The following COL21A1 variants were observed in gnomAD, a reference collection of about 807,000 sequenced individuals.
COL21A1 encodes collagen type XXI alpha 1 chain.
Under a neutral mutation model 137.9 loss-of-function variants are expected in COL21A1, and 149 were observed. The ratio of observed to expected loss-of-function variants is 1.08; its 90% confidence interval spans 0.95 to 1.24. COL21A1 has a LOEUF of 1.24. Among genes scored for constraint, COL21A1 ranks in the 50% most tolerant of loss-of-function variants. The pLI is 0.00. For missense variants in COL21A1, 1,167 were observed against 1,158.4 expected (o/e 1.01, Z -0.11); for synonymous variants, 456 against 391.5 (o/e 1.16, Z -1.95).
chr6:56,258,474 C>G (rs1763169243), intron 1 of COL21A1, among the ~76,000 whole-genome samples: 2 of 152,152 alleles, frequency 1.3e-5, no homozygotes, highest in African/African-American at 4.8e-5. Flanking sequence ...AGGTGCTCAC[C>G]AGACAAAACC....
chr6:56,309,415 G>A (rs6924834), intron 1 of COL21A1, among the ~76,000 whole-genome samples: 127,980 of 152,204 alleles, frequency 0.84, 55,882 homozygotes, highest in South Asian at 0.97. Flanking sequence ...GGCACTTCTC[G>A]TGTAGAATGT....
intron 1 of COL21A1, among the ~76,000 whole-genome samples, chr6:56,283,626 G>T (rs1483911926): frequency 2.0e-5 from 3 of 152,076 alleles, no homozygotes; most frequent in African/African-American, 4.8e-5. Flanking sequence ...CTCAGTGACG[G>T]GCTGGTGATA....
At chr6:56,260,649 A>AG (rs1562028860) in intron 1 of COL21A1, among the ~76,000 whole-genome samples, 11 of 43,360 alleles carry the variant, frequency 2.5e-4, no homozygotes, top group Non-Finnish European at 4.6e-4. Flanking sequence ...GGAAGGAAGG[A>AG]AGGAAGGAAT....
At chr6:56,090,678 CAAT>C (rs1768723891) in intron 17 of COL21A1, among the ~76,000 whole-genome samples, 1 of 151,812 alleles carries the variant, frequency 6.6e-6, no homozygotes, top group Admixed American at 6.6e-5. Flanking sequence ...ATTACTATGA[CAAT>C]AAATTATTAT....
At chr6:56,200,963 CTGT>C (rs1220276564) in intron 1 of COL21A1, among the ~76,000 whole-genome samples, 4 of 152,132 alleles carry the variant, frequency 2.6e-5, no homozygotes, top group Non-Finnish European at 5.9e-5. Context: ...TCTCCAGCAC[CTGT>C]TGTTTCCTGA....
intron 1 of COL21A1, among the ~76,000 whole-genome samples, chr6:56,275,275 G>T (rs1200891998): frequency 1.3e-5 from 2 of 151,924 alleles, no homozygotes; most frequent in East Asian, 3.9e-4. Flanking sequence ...AAGAAAACAG[G>T]AGATACCCTT....
At chr6:56,105,543 G>C (rs1233329371) in intron 16 of COL21A1, among the ~76,000 whole-genome samples, 1 of 152,132 alleles carries the variant, frequency 6.6e-6, no homozygotes, top group Non-Finnish European at 1.5e-5. Context: ...ATTAAAAACA[G>C]TAGGGTCAAT....
At chr6:56,140,780 C>A (rs904009426) in intron 12 of COL21A1, among the ~76,000 whole-genome samples, 1 of 152,118 alleles carries the variant, frequency 6.6e-6, no homozygotes, top group Admixed American at 6.6e-5. Context: ...CAGAGTTTAA[C>A]CCCAACAATG....
At chr6:56,164,234 A>T in intron 9 of COL21A1, among the ~76,000 whole-genome samples, 189 bp downstream of exon 9, 1 of 152,222 alleles carries the variant, frequency 6.6e-6, no homozygotes, top group East Asian at 1.9e-4. Context: ...TTGGGTTCAA[A>T]AGGTATCCTA....
At chr6:56,144,825 G>T (rs115385059) in intron 10 of COL21A1, among the ~76,000 whole-genome samples, 1 of 152,194 alleles carries the variant, frequency 6.6e-6, no homozygotes, top group Non-Finnish European at 1.5e-5. Flanking sequence ...AATTGGAAAA[G>T]AACTTGCACT....
chr6:56,184,327 A>C (rs1377841756), intron 1 of COL21A1, among the ~76,000 whole-genome samples: 1 of 152,192 alleles, frequency 6.6e-6, no homozygotes, highest in Non-Finnish European at 1.5e-5. Flanking sequence ...AGCAGTAAGA[A>C]TTTTAGACAG....
At chr6:56,366,130 T>G (rs1766093860) in intron 1 of COL21A1, among the ~76,000 whole-genome samples, 1 of 152,106 alleles carries the variant, frequency 6.6e-6, no homozygotes, top group Admixed American at 6.6e-5. Flanking sequence ...TTTTCTGCAA[T>G]TAGATTTGAT....
At chr6:56,137,131 T>G (rs1452359410) in intron 12 of COL21A1, among the ~76,000 whole-genome samples, 2 of 152,174 alleles carry the variant, frequency 1.3e-5, no homozygotes, top group Admixed American at 6.5e-5. Context: ...TGACTTAAGC[T>G]CTTCATTTTT....
At chr6:56,150,514 T>TCACACA (rs747022399) in intron 10 of COL21A1, among the ~76,000 whole-genome samples, 609 of 46,088 alleles carry the variant, frequency 0.013, 4 homozygotes, top group South Asian at 0.023. Flanking sequence ...CGAGACTCCA[T>TCACACA]CACACACACA....
intron 12 of COL21A1, among the ~76,000 whole-genome samples, chr6:56,132,549 C>T (rs1427169421): frequency 6.6e-6 from 1 of 151,934 alleles, no homozygotes; most frequent in Non-Finnish European, 1.5e-5. Flanking sequence ...ACACCAGGCC[C>T]AAATGAAAGT....
chr6:56,092,890 C>A (rs1768972453), intron 17 of COL21A1, among the ~76,000 whole-genome samples: 1 of 152,064 alleles, frequency 6.6e-6, no homozygotes, highest in South Asian at 2.1e-4. Context: ...GGCTGTGTGT[C>A]CCCCAGAAGC....
intron 17 of COL21A1, among the ~76,000 whole-genome samples, chr6:56,098,422 A>G (rs1464696504): frequency 1.5e-4 from 1 of 6,470 alleles, no homozygotes; most frequent in Non-Finnish European, 2.2e-4. Flanking sequence ...TAAATATATA[A>G]ATATATAAAT....
intron 1 of COL21A1, among the ~76,000 whole-genome samples, chr6:56,386,071 A>G (rs1261014014): frequency 6.6e-6 from 1 of 151,966 alleles, no homozygotes; most frequent in Non-Finnish European, 1.5e-5. Flanking sequence ...CCATAAGTCA[A>G]TCCCATAGCT....
At chr6:56,156,522 G>A (rs1422925514) in intron 10 of COL21A1, among the ~76,000 whole-genome samples, 2 of 152,182 alleles carry the variant, frequency 1.3e-5, no homozygotes, top group Non-Finnish European at 2.9e-5. Flanking sequence ...AAGGAAGATA[G>A]TGTCCCCACT....
Sources: allele counts gnomAD v4.1 joint callset (sites outside exome capture counted in the v4.1 genomes callset), GRCh38; gene constraint gnomAD v4.1.1; transcripts MANE v1.5; gene names NCBI Gene and HGNC (gene_info 2026-07-23, HGNC 2026-07-21).